Variants in CLNK observed in about 807,000 individuals in gnomAD.
The protein encoded by CLNK is cytokine-dependent hematopoietic cell linker.
Under a neutral mutation model 68.6 loss-of-function variants are expected in CLNK, and 74 were observed. The ratio of observed to expected loss-of-function variants is 1.08; its 90% confidence interval spans 0.89 to 1.31. CLNK has a LOEUF of 1.31. Ranked by LOEUF, CLNK falls within the 50% of genes most tolerant of loss-of-function variation. The pLI is 0.00. For missense variants in CLNK, 553 were observed against 515.3 expected (o/e 1.07, Z -0.71); for synonymous variants, 198 against 172.2 (o/e 1.15, Z -1.17).
At chr4:10,543,299 A>G (rs574250137) in intron 8 of CLNK, among the ~76,000 whole-genome samples, 2 of 152,142 alleles carry the variant, frequency 1.3e-5, no homozygotes, top group African/African-American at 4.8e-5. Context: ...ATCTCTAAAA[A>G]TGGGCGTGGT....
intron 2 of CLNK, among the ~76,000 whole-genome samples, chr4:10,619,402 C>T (rs1457252989): frequency 1.3e-5 from 2 of 152,118 alleles, no homozygotes; most frequent in Non-Finnish European, 2.9e-5. Context: ...AGACAGATGG[C>T]GCCTTTGGGA....
At chr4:10,639,299 C>T (rs1487107412) in intron 2 of CLNK, among the ~76,000 whole-genome samples, 3 of 152,210 alleles carry the variant, frequency 2.0e-5, no homozygotes, top group African/African-American at 7.2e-5. Context: ...AGACAGGATG[C>T]CTCAGCACTG....
In CLNK at chr4:10,603,627, G is replaced by A. The variant is rs547230314; in HGVS notation, c.12-5578C>T. ...GAAGAGAAAGAGGCAGAATTGGGCA[G>A]GGGGAAAAGTGGGCTGTGATGCAGT... On this transcript the variant is annotated intron_variant, in intron 2 of 18. Transcript: ENST00000226951. 1.1e-4 allele frequency among the ~76,000 whole-genome samples: 16 copies of A among 152,328 alleles called. No homozygotes were observed. The South Asian group carries it at 3.1e-3, about 30-fold the overall frequency.
At chr4:10,709,152 T>A in the CLNK span, among the ~76,000 whole-genome samples, 1,475 of 152,326 alleles carry the variant, frequency 9.7e-3, 7 homozygotes, top group East Asian at 0.057. Flanking sequence ...TTCAGACCTA[T>A]GCTTATACTG....
chr4:10,713,622 G>A, the CLNK span, among the ~76,000 whole-genome samples: 5 of 152,306 alleles, frequency 3.3e-5, no homozygotes, highest in South Asian at 1.0e-3. Flanking sequence ...CTCCAGTGCT[G>A]GAGGTGGGGC....
the CLNK span, among the ~76,000 whole-genome samples, chr4:10,691,024 C>T: frequency 6.6e-6 from 1 of 152,078 alleles, no homozygotes; most frequent in African/African-American, 2.4e-5. Flanking sequence ...AAGTCTGCAT[C>T]TCTGCAGAGG....
intron 1 of CLNK, among the ~76,000 whole-genome samples, chr4:10,675,239 G>GTATCTA (rs1250109184): frequency 6.6e-6 from 1 of 152,188 alleles, no homozygotes; most frequent in Non-Finnish European, 1.5e-5. Flanking sequence ...GCAGATGAAA[G>GTATCTA]TATCTATAAG....
At chr4:10,607,283 A>G (rs570402596) in intron 2 of CLNK, among the ~76,000 whole-genome samples, 1 of 152,248 alleles carries the variant, frequency 6.6e-6, no homozygotes, top group East Asian at 1.9e-4. Flanking sequence ...CCGTTGCCCC[A>G]CTGTGGCATG....
At chr4:10,637,617 C>A (rs546726935) in intron 2 of CLNK, among the ~76,000 whole-genome samples, 5 of 95,310 alleles carry the variant, frequency 5.2e-5, no homozygotes, top group South Asian at 3.9e-4. Flanking sequence ...TTTTTTGAGA[C>A]GGAGTCTCAC....
chr4:10,663,277 T>G (rs1262757518), intron 2 of CLNK, among the ~76,000 whole-genome samples: 1 of 152,204 alleles, frequency 6.6e-6, no homozygotes, highest in East Asian at 1.9e-4. Context: ...AGCTGCAAGT[T>G]TTGTTGCAGG....
chr4:10,644,929 C>A lies in CLNK; in HGVS notation c.11+22930G>T, dbSNP rs887893422. Among the ~76,000 whole-genome samples, 4 of 152,242 alleles carry A rather than the reference C, an allele frequency of 2.6e-5. No individual in the cohort carries two copies. The South Asian group carries it at 8.3e-4, about 32-fold the overall frequency. On this transcript the variant is annotated intron_variant, in intron 2 of 18. Coordinates refer to ENST00000226951, the MANE Select transcript of CLNK (RefSeq NM_052964.4). ...AAATTTCTACAAAGAATGAAAAGGG[C>A]GTTTATGCCAATCTTAGCTAGATCT... is the stretch of plus-strand genomic sequence containing the variant.
At chr4:10,548,357 T>C (rs1719317550) in intron 8 of CLNK, among the ~76,000 whole-genome samples, 1 of 152,174 alleles carries the variant, frequency 6.6e-6, no homozygotes, top group South Asian at 2.1e-4. Flanking sequence ...GGTCACTCAT[T>C]TTTTAGCTCT....
Position 10,535,590 on chromosome 4 carries a change from G to A in CLNK, c.603-3307C>T, listed in dbSNP as rs531791273. Among the ~76,000 whole-genome samples, 4 of 152,206 alleles carry A rather than the reference G, an allele frequency of 2.6e-5. No homozygotes were observed. In the East Asian group the frequency reaches 5.8e-4, roughly 22 times the overall value. On this transcript the variant is annotated intron_variant, in intron 11 of 18. Coordinates refer to ENST00000226951, the MANE Select transcript of CLNK (RefSeq NM_052964.4). The stretch of plus-strand genomic sequence containing the variant: ...TGATTTTATTTGGTGCATGGACCAC[G>A]GTATTAAAATTACAATGGATTCGTA...
chr4:10,725,803 C>T, the CLNK span, among the ~76,000 whole-genome samples: 5 of 151,204 alleles, frequency 3.3e-5, no homozygotes, highest in Non-Finnish European at 5.9e-5. Flanking sequence ...TGCAGTGAGC[C>T]GAGATGCGCC....
chr4:10,617,467 A>G (rs1035668126), intron 2 of CLNK, among the ~76,000 whole-genome samples: 31 of 152,214 alleles, frequency 2.0e-4, no homozygotes, highest in African/African-American at 7.5e-4. Context: ...ACTGTAAGGT[A>G]TGGATTTCTC....
chr4:10,696,557 C>T, the CLNK span, among the ~76,000 whole-genome samples: 1 of 152,096 alleles, frequency 6.6e-6, no homozygotes, highest in Admixed American at 6.6e-5. Flanking sequence ...AACTCTTTGC[C>T]CTTTTGTCCT....
At chr4:10,671,546 T>C (rs1416306759) in intron 1 of CLNK, among the ~76,000 whole-genome samples, 1 of 152,214 alleles carries the variant, frequency 6.6e-6, no homozygotes, top group Non-Finnish European at 1.5e-5. Context: ...CACCATACTC[T>C]GATCTAATCT....
intron 2 of CLNK, among the ~76,000 whole-genome samples, chr4:10,609,702 C>T (rs1194349763): frequency 6.6e-6 from 1 of 152,244 alleles, no homozygotes; most frequent in African/African-American, 2.4e-5. Context: ...TAGACCAGCA[C>T]TGCCGATGGG....
intron 2 of CLNK, among the ~76,000 whole-genome samples, chr4:10,605,334 T>C (rs1489655161): frequency 4.6e-5 from 7 of 151,980 alleles, no homozygotes; most frequent in African/African-American, 1.7e-4. Context: ...CATCGTAGAG[T>C]GTACTTACAC....
Sources: allele counts gnomAD v4.1 joint callset (sites outside exome capture counted in the v4.1 genomes callset), GRCh38; gene constraint gnomAD v4.1.1; transcripts MANE v1.5; gene names NCBI Gene and HGNC (gene_info 2026-07-23, HGNC 2026-07-21).